RNF125: variants seen among roughly 807,000 people sequenced by gnomAD.
RNF125 encodes the protein E3 ubiquitin-protein ligase RNF125.
Under a neutral mutation model 26.0 loss-of-function variants are expected in RNF125, and 21 were observed. The ratio of observed to expected loss-of-function variants is 0.81; its 90% confidence interval spans 0.57 to 1.16. The LOEUF (loss-of-function observed/expected upper bound fraction) is 1.16, where lower values mean the gene tolerates loss of function less well. Ranked by LOEUF, RNF125 falls within the 50% of genes most tolerant of loss-of-function variation. RNF125 has a pLI of 0.00. For missense variants in RNF125, 270 were observed against 299.4 expected (o/e 0.90, Z 0.72); for synonymous variants, 95 against 109.2 (o/e 0.87, Z 0.81).
intron 1 of RNF125, among the ~76,000 whole-genome samples, chr18:32,026,050 T>C (rs1033130093): frequency 4.8e-5 from 7 of 147,230 alleles, no homozygotes; most frequent in African/African-American, 1.7e-4. Context: ...CACAGAGCCA[T>C]CTTTCTTAAA....
At chr18:32,036,169 A>G (rs1337351894) in intron 1 of RNF125, among the ~76,000 whole-genome samples, 4 of 151,542 alleles carry the variant, frequency 2.6e-5, no homozygotes, top group Admixed American at 6.6e-5. Flanking sequence ...AAAAAAAAAA[A>G]AGAGAAGGAA....
intron 2 of RNF125, 158 bp from the exon 3 acceptor site, chr18:32,042,021 A>G (rs981280051): frequency 4.8e-5 from 30 of 625,870 alleles, no homozygotes; most frequent in Non-Finnish European, 7.6e-5. Flanking sequence ...ATTCTTGATA[A>G]TGCCTTAATT....
At chr18:32,084,075 A>G in the RNF125 span, among the ~76,000 whole-genome samples, 1 of 150,390 alleles carries the variant, frequency 6.6e-6, no homozygotes, top group Non-Finnish European at 1.5e-5. Context: ...AAAACAACTG[A>G]CCAGGTGCGG....
At chr18:32,065,085 T>C (rs765719594) in intron 4 of RNF125, among the ~76,000 whole-genome samples, 7 of 152,232 alleles carry the variant, frequency 4.6e-5, no homozygotes, top group Admixed American at 6.5e-5. Flanking sequence ...AAGAAATGCA[T>C]ATGAAGACAT....
At chr18:32,066,928 C>G (rs2039490221) in intron 5 of RNF125, among the ~76,000 whole-genome samples, 1 of 152,140 alleles carries the variant, frequency 6.6e-6, no homozygotes, top group African/African-American at 2.4e-5. Flanking sequence ...GAACTTGGTT[C>G]TGGTCTATGT....
chr18:32,072,007 G>A lies in RNF125; in HGVS notation c.*3623G>A, dbSNP rs2039538343. The stretch of plus-strand genomic sequence containing the variant: ...AAGACCAACCTGGGCAATATAGTGA[G>A]ACTCTTTCTATTTAAACAAAAACAA... On this transcript the variant is annotated 3_prime_UTR_variant, in exon 6 of 6. Transcript: ENST00000217740. 6.6e-6 allele frequency: 1 copy of A among 152,092 alleles called. No individual in the cohort carries two copies. The highest frequency in any genetic ancestry group is 2.1e-4 in the South Asian group (1 of 4,824). The allele number at this position is 152,092 out of a possible 1,614,324, so 9.4% of individuals were successfully genotyped here. A position where few individuals can be genotyped will look rare whatever the true frequency, so the allele number is the denominator to read the frequency against.
chr18:32,065,758 C>G (rs1257861713), intron 4 of RNF125, 144 bp from the exon 5 acceptor site: 1 of 609,116 alleles, frequency 1.6e-6, no homozygotes, highest in African/African-American at 1.9e-5. Context: ...GTCTCCATCT[C>G]TTGACCTGGT....
intron 4 of RNF125, among the ~76,000 whole-genome samples, chr18:32,054,146 C>G (rs181454156): frequency 7.2e-6 from 1 of 138,240 alleles, no homozygotes; most frequent in Non-Finnish European, 1.5e-5. Context: ...CAGGCTGGAG[C>G]GCAGTGGCGT....
chr18:32,038,891 G>A (rs1209538884), intron 2 of RNF125, among the ~76,000 whole-genome samples: 3 of 151,844 alleles, frequency 2.0e-5, no homozygotes, highest in African/African-American at 7.2e-5. Flanking sequence ...TCAGCCTCCC[G>A]AGTAGCTGGG....
At chr18:32,057,395 C>T (rs1024499311) in intron 4 of RNF125, among the ~76,000 whole-genome samples, 6 of 149,416 alleles carry the variant, frequency 4.0e-5, no homozygotes, top group African/African-American at 1.2e-4. Flanking sequence ...AGTGTAGTGG[C>T]GCGATCTTGG....
chr18:32,024,559 A>G (rs1367454246), intron 1 of RNF125, among the ~76,000 whole-genome samples: 5 of 149,322 alleles, frequency 3.3e-5, no homozygotes, highest in African/African-American at 1.2e-4. Context: ...TCCTACCTCA[A>G]CCTCCTGAGT....
chr18:32,065,865 A>G, intron 4 of RNF125, 37 bp from the exon 5 acceptor site: 1 of 1,415,390 alleles, frequency 7.1e-7, no homozygotes, highest in African/African-American at 1.4e-5. Flanking sequence ...AACGATTTTA[A>G]ATTCTTTCTT....
At chr18:32,056,378 G>GAGGTGGGCAGATCACCTGA (rs2039383017) in intron 4 of RNF125, among the ~76,000 whole-genome samples, 1 of 152,056 alleles carries the variant, frequency 6.6e-6, no homozygotes, top group Admixed American at 6.6e-5. Flanking sequence ...TTGGGAGGCT[G>GAGGTGGGCAGATCACCTGA]AGGTGGGCAG....
At chr18:32,037,306 G>A in intron 2 of RNF125, 37 bp downstream of exon 2, 1 of 1,383,904 alleles carries the variant, frequency 7.2e-7, no homozygotes, top group Non-Finnish European at 9.6e-7. Context: ...ATGGTTACCA[G>A]CTTAAGTCCC....
intron 4 of RNF125, among the ~76,000 whole-genome samples, chr18:32,050,855 G>A (rs1383490782): frequency 2.6e-5 from 3 of 117,538 alleles, no homozygotes; most frequent in Non-Finnish European, 5.0e-5. Context: ...TAGTCTCTCG[G>A]TCTAGAGTGC....
At chr18:32,084,084 G>A in the RNF125 span, among the ~76,000 whole-genome samples, 8 of 152,080 alleles carry the variant, frequency 5.3e-5, no homozygotes, top group African/African-American at 9.7e-5. Flanking sequence ...GACCAGGTGC[G>A]GTGGCTTACA....
In RNF125 at chr18:32,069,289, A is replaced by AT. The variant is rs1205747919; in HGVS notation, c.*907dup. On this transcript the variant is annotated 3_prime_UTR_variant, in exon 6 of 6. Coordinates refer to ENST00000217740, the MANE Select transcript of RNF125 (RefSeq NM_017831.4). ...ATTTTGTGTTAGAAAAGTATACTTA[A>AT]TTCTTTGACTTTTTATAACTGCATA... The AT allele has an allele frequency of 6.6e-6, 1 of 152,066 alleles. No individual in the cohort carries two copies. The highest frequency in any genetic ancestry group is 2.4e-5 in the African/African-American group (1 of 41,412). The allele number at this position is 152,066 out of a possible 1,614,324, so 9.4% of individuals were successfully genotyped here.
chr18:32,069,511 A>T lies in RNF125; in HGVS notation c.*1127A>T, dbSNP rs1251696469. 1 of 152,140 alleles carries T rather than the reference A, an allele frequency of 6.6e-6. No homozygotes were observed. The highest frequency in any genetic ancestry group is 1.9e-4 in the East Asian group (1 of 5,194). The allele number at this position is 152,140 out of a possible 1,614,324, so 9.4% of individuals were successfully genotyped here. On this transcript the variant is annotated 3_prime_UTR_variant, in exon 6 of 6. Coordinates refer to ENST00000217740, the MANE Select transcript of RNF125 (RefSeq NM_017831.4). ...AAAATTATGAAATAAAAGTACTGAA[A>T]ACCAGACACAAAATTTATAGCTGAA...
chr18:32,035,542 T>G (rs964259088), intron 1 of RNF125, among the ~76,000 whole-genome samples: 3 of 152,172 alleles, frequency 2.0e-5, no homozygotes, highest in African/African-American at 7.2e-5. Flanking sequence ...GTAAATAAAT[T>G]TGGGTGTATT....
Sources: allele counts gnomAD v4.1 joint callset (sites outside exome capture counted in the v4.1 genomes callset), GRCh38; gene constraint gnomAD v4.1.1; transcripts MANE v1.5; gene names NCBI Gene and HGNC (gene_info 2026-07-23, HGNC 2026-07-21).